DIP2C: variants seen among roughly 807,000 people sequenced by gnomAD.
The protein encoded by DIP2C is disco-interacting protein 2 homolog C.
Under a neutral mutation model 192.4 loss-of-function variants are expected in DIP2C, and 33 were observed. The ratio of observed to expected loss-of-function variants is 0.17; its 90% CI spans 0.13 to 0.23. The LOEUF is 0.23. Among genes scored for constraint, DIP2C ranks in the 10% least tolerant of loss-of-function variants. DIP2C has a pLI of 1.00. For synonymous variants in DIP2C, 979 were observed against 864.1 expected, an observed-to-expected ratio of 1.13 and a Z score of -2.33; for missense variants, 1,537 against 2,110.1, an observed-to-expected ratio of 0.73 and a Z score of 5.32.
intron 1 of DIP2C, among the ~76,000 whole-genome samples, chr10:579,549 A>C (rs1256316218): frequency 6.6e-6 from 1 of 152,008 alleles, no homozygotes; most frequent in Non-Finnish European, 1.5e-5. Flanking sequence ...CATAAAGTGT[A>C]CATACATAGG....
chr10:648,478 G>T (rs1395398921), intron 1 of DIP2C, among the ~76,000 whole-genome samples: 6 of 151,874 alleles, frequency 4.0e-5, no homozygotes, highest in Admixed American at 3.9e-4. Context: ...ACATTTGATG[G>T]TGGGAGAGAA....
intron 1 of DIP2C, among the ~76,000 whole-genome samples, chr10:569,249 G>A (rs1001413892): frequency 1.3e-5 from 2 of 152,178 alleles, no homozygotes; most frequent in Admixed American, 6.5e-5. Context: ...TAGCTTTGCT[G>A]TCAGCTACAA....
chr10:593,485 A>ACCCCCCCCCCCCCCCC (rs10563749), intron 1 of DIP2C, among the ~76,000 whole-genome samples: 2 of 64,190 alleles, frequency 3.1e-5, no homozygotes. Context: ...CCCACGCGGG[A>ACCCCCCCCCCCCCCCC]CCCCCCCCCC....
chr10:471,267 T>C (rs1970603978), intron 3 of DIP2C, among the ~76,000 whole-genome samples: 2 of 152,080 alleles, frequency 1.3e-5, no homozygotes, highest in East Asian at 1.9e-4. Flanking sequence ...TCTGAGGCCA[T>C]AAAATCTCCT....
chr10:419,233 G>T (rs1369017708), intron 5 of DIP2C, 34 bp from the exon 6 acceptor site: 1 of 1,613,584 alleles, frequency 6.2e-7, no homozygotes, highest in African/African-American at 1.3e-5. Flanking sequence ...TTTTCTGGTG[G>T]TTGTGATGTT....
chr10:373,438 C>G (rs1168928950), intron 17 of DIP2C, among the ~76,000 whole-genome samples: 1 of 152,082 alleles, frequency 6.6e-6, no homozygotes, highest in African/African-American at 2.4e-5. Context: ...AAAAGAAAAG[C>G]AGAATCAAGA....
At chr10:507,159 G>A (rs1005414866) in intron 1 of DIP2C, among the ~76,000 whole-genome samples, 5 of 150,878 alleles carry the variant, frequency 3.3e-5, no homozygotes, top group Admixed American at 6.6e-5. Flanking sequence ...GCCATGCGAC[G>A]TTACAGACCT....
chr10:520,400 G>A (rs182134119), intron 1 of DIP2C, among the ~76,000 whole-genome samples: 1 of 152,290 alleles, frequency 6.6e-6, no homozygotes, highest in Admixed American at 6.5e-5. Context: ...GGGAAGAAAA[G>A]GATAAAGTTA....
At chr10:496,487 C>T (rs1463435216) in intron 1 of DIP2C, among the ~76,000 whole-genome samples, 1 of 151,156 alleles carries the variant, frequency 6.6e-6, no homozygotes, top group African/African-American at 2.4e-5. Flanking sequence ...GTGCACAGAA[C>T]CCACAGTGCC....
chr10:613,136 A>T (rs541711585), intron 1 of DIP2C, among the ~76,000 whole-genome samples: 1 of 152,060 alleles, frequency 6.6e-6, no homozygotes, highest in Non-Finnish European at 1.5e-5. Context: ...AAAAACAGTC[A>T]CTCATTTCAG....
chr10:395,286 G>C (rs1471381058), intron 10 of DIP2C, among the ~76,000 whole-genome samples: 3 of 152,046 alleles, frequency 2.0e-5, no homozygotes, highest in Non-Finnish European at 4.4e-5. Context: ...ATAACCAAGA[G>C]TATATTCCAA....
At chr10:488,662 ACT>A (rs1259327920) in intron 1 of DIP2C, among the ~76,000 whole-genome samples, 1 of 152,008 alleles carries the variant, frequency 6.6e-6, no homozygotes, top group Non-Finnish European at 1.5e-5. Flanking sequence ...AGGAAACGGG[ACT>A]CTACTTCCTG....
intron 1 of DIP2C, chr10:663,687 G>A (rs1405001871): frequency 2.0e-5 from 3 of 152,370 alleles, no homozygotes; most frequent in East Asian, 1.9e-4. Context: ...TTGTCTACTC[G>A]AAGGTCCACA....
chr10:362,145 A>G (rs1245024989), intron 22 of DIP2C, among the ~76,000 whole-genome samples: 5 of 152,192 alleles, frequency 3.3e-5, no homozygotes, highest in Non-Finnish European at 5.9e-5. Flanking sequence ...TCAGAAATGA[A>G]AGAGCAACCA....
At chr10:336,186 T>C (rs967482399) in intron 29 of DIP2C, among the ~76,000 whole-genome samples, 4 of 152,142 alleles carry the variant, frequency 2.6e-5, no homozygotes, top group Non-Finnish European at 5.9e-5. Context: ...CTGGGCAACA[T>C]GGCAAGACGC....
In DIP2C at chr10:497,154, TACTC is replaced by T. The variant is rs1424763177; in HGVS notation, c.86-10628_86-10625del. Among the ~76,000 whole-genome samples, 12 of 152,222 alleles carry T rather than the reference TACTC, an allele frequency of 7.9e-5. No homozygotes were observed. The South Asian group carries it at 1.7e-3, about 21-fold the overall frequency. On this transcript the variant is annotated intron_variant, in intron 1 of 36. Coordinates refer to ENST00000280886, the MANE Select transcript of DIP2C (RefSeq NM_014974.3). ...TCAATCAATCAATCAATCTCTACCT[TACTC>T]ACAATACCCCAAACAACGTGAGTGC...
At chr10:557,320 G>T (rs11253183) in intron 1 of DIP2C, among the ~76,000 whole-genome samples, 1 of 152,128 alleles carries the variant, frequency 6.6e-6, no homozygotes, top group Non-Finnish European at 1.5e-5. Flanking sequence ...CCGTGACTCA[G>T]GGGGACAGGG....
At chr10:598,768 ATG>A (rs565132065) in intron 1 of DIP2C, among the ~76,000 whole-genome samples, 48 of 152,348 alleles carry the variant, frequency 3.2e-4, no homozygotes, top group African/African-American at 1.1e-3. Context: ...TGGCATCTGA[ATG>A]TGGTCTGAAG....
chr10:364,433 G>A lies in DIP2C; in HGVS notation c.2418C>T (p.Ala806=), dbSNP rs762634557. ...LMVVSGRRHN[A]DDIVATALAV... is the part of the protein sequence containing the mutation. ...CCAGCGCAGTGGCCACGATGTCGTC[G>A]GCGTTGTGCCTGCGCCCGCTGACCA... The change falls in exon 20 of 37, where the codon GCC becomes GCT. Residue 806 remains alanine, a synonymous_variant. Coordinates refer to ENST00000280886, the MANE Select transcript of DIP2C (RefSeq NM_014974.3). 45 of 1,613,922 alleles carry A rather than the reference G, an allele frequency of 2.8e-5. 2 individuals carry two copies. In the South Asian group the frequency reaches 3.3e-4, roughly 12 times the overall value.
Sources: gnomAD v4.1 joint callset for allele counts (sites outside exome capture counted in the v4.1 genomes callset) on GRCh38, gnomAD v4.1.1 for gene constraint, MANE v1.5 for transcripts, NCBI Gene and HGNC (gene_info 2026-07-23, HGNC 2026-07-21) for gene names.